Variants in CARF observed in about 807,000 individuals in gnomAD.
The protein encoded by CARF is calcium-responsive transcription factor.
In CARF, 57 loss-of-function variants were observed where a neutral mutation model predicts 82.0. The observed-to-expected ratio is 0.70, with a 90% CI of 0.56 to 0.87. The LOEUF (loss-of-function observed/expected upper bound fraction) is 0.87, where lower values mean the gene tolerates loss of function less well. Ranked by LOEUF, CARF falls within the 40% of genes least tolerant of loss-of-function variation. CARF has a pLI of 0.00. For synonymous variants in CARF, 268 were observed against 290.1 expected, an observed-to-expected ratio of 0.92 and a Z score of 0.77; for missense variants, 771 against 855.8, an observed-to-expected ratio of 0.90 and a Z score of 1.24.
At chr2:202,918,410 A>G (rs2105941049) in intron 2 of CARF, among the ~76,000 whole-genome samples, 1 of 152,130 alleles carries the variant, frequency 6.6e-6, no homozygotes, top group South Asian at 2.1e-4. Flanking sequence ...AGTCCCAGCT[A>G]CTCTGGAGGC....
chr2:202,925,653 T>C (rs189098578), intron 3 of CARF: 2 of 221,124 alleles, frequency 9.0e-6, no homozygotes, highest in East Asian at 1.5e-4. Flanking sequence ...GAGGCTGCCA[T>C]CCCAGATGCT....
chr2:202,965,528 G>A (rs1456156249), intron 9 of CARF, among the ~76,000 whole-genome samples: 3 of 151,482 alleles, frequency 2.0e-5, no homozygotes, highest in Non-Finnish European at 4.4e-5. Flanking sequence ...CATAGCCTTT[G>A]CACATTTTTC....
intron 14 of CARF, among the ~76,000 whole-genome samples, chr2:202,977,991 G>T (rs959714729): frequency 6.6e-6 from 1 of 151,788 alleles, no homozygotes; most frequent in Admixed American, 6.6e-5. Flanking sequence ...GATCACAGGC[G>T]CACGCCACCA....
rs2060298944 is a variant in CARF, at chr2:202,982,341, T to C, written c.1959T>C (p.Asp653=). ...VAMDELVEVG[D]VEDTGNLEGT... is the part of the protein sequence containing the mutation. ...TGGACGAGCTGGTAGAAGTTGGAGATGTTGAGGATACAGGGAATCTGGAAG... is the reference window on the plus strand; with the variant it reads ...TGGACGAGCTGGTAGAAGTTGGAGACGTTGAGGATACAGGGAATCTGGAAG... Residue 653 remains aspartate (D), a synonymous_variant, in exon 16 of 17, where the codon GAT becomes GAC. Coordinates refer to ENST00000438828, the MANE Select transcript of CARF (RefSeq NM_024744.17). 1 of 1,614,134 alleles carries C rather than the reference T, an allele frequency of 6.2e-7. No individual in the cohort carries two copies. The highest frequency in any genetic ancestry group is 8.5e-7 in the Non-Finnish European group (1 of 1,180,014).
chr2:202,947,867 A>G (rs1007823633), intron 5 of CARF, among the ~76,000 whole-genome samples: 1 of 152,002 alleles, frequency 6.6e-6, no homozygotes, highest in Non-Finnish European at 1.5e-5. Context: ...TTTAGATTCC[A>G]TTTTCCAATT....
intron 3 of CARF, among the ~76,000 whole-genome samples, chr2:202,928,992 A>G (rs139641084): frequency 6.7e-6 from 1 of 148,546 alleles, no homozygotes; most frequent in East Asian, 2.0e-4. Flanking sequence ...AGCCTCCCAA[A>G]ATGTGGGGAT....
intron 14 of CARF, among the ~76,000 whole-genome samples, chr2:202,978,409 G>A (rs2060119109): frequency 6.6e-6 from 1 of 152,162 alleles, no homozygotes; most frequent in Non-Finnish European, 1.5e-5. Flanking sequence ...AATGGCAAAT[G>A]GGGTTGAGGG....
Position 202,983,883 on chromosome 2 carries a change from T to C in CARF, c.*259T>C, listed in dbSNP as rs938636868. On this transcript the variant is annotated 3_prime_UTR_variant, in exon 17 of 17. Transcript: ENST00000438828. ...CCAGTATTTCAAAAGCTGTTCTGAATTTATCCACAGTAATATAGTCTGAAC... is the reference window on the plus strand; with the variant it reads ...CCAGTATTTCAAAAGCTGTTCTGAACTTATCCACAGTAATATAGTCTGAAC... 4 of 375,558 alleles carry C rather than the reference T, an allele frequency of 1.1e-5. No individual in the cohort carries two copies. The highest frequency in any genetic ancestry group is 1.4e-5 in the Non-Finnish European group (3 of 211,194). The allele number at this position is 375,558 out of a possible 1,614,324, so 23.3% of individuals were successfully genotyped here.
chr2:202,986,662 A>G lies in CARF; in HGVS notation c.*3038A>G, dbSNP rs997437070. On this transcript the variant is annotated 3_prime_UTR_variant, in exon 17 of 17. Coordinates refer to ENST00000438828, the MANE Select transcript of CARF (RefSeq NM_024744.17). Reference sequence around the variant, plus strand: ...AAGCTTTTATATTTTATGCAAGGTAAATGTTTCCTAAATGTCACAAAAGTG... The same window carrying G: ...AAGCTTTTATATTTTATGCAAGGTAGATGTTTCCTAAATGTCACAAAAGTG... 2.0e-5 allele frequency: 3 copies of G among 151,512 alleles called. No homozygotes were observed. The highest frequency in any genetic ancestry group is 1.5e-5 in the Non-Finnish European group (1 of 67,808). 9.4% of individuals were successfully genotyped at this position (151,512 alleles called of 1,614,324 possible). A position where few individuals can be genotyped will look rare whatever the true frequency, so the allele number is the denominator to read the frequency against.
intron 3 of CARF, 146 bp from the exon 4 acceptor site, chr2:202,941,714 G>GA (rs1559214032): frequency 4.5e-6 from 2 of 444,650 alleles, no homozygotes; most frequent in Non-Finnish European, 8.3e-6. Context: ...TTTAAAAAGT[G>GA]TTAATTTTTT....
intron 2 of CARF, among the ~76,000 whole-genome samples, chr2:202,921,533 C>T (rs1412009944): frequency 6.6e-6 from 1 of 152,124 alleles, no homozygotes; most frequent in Non-Finnish European, 1.5e-5. Flanking sequence ...TTTAAAAATT[C>T]AGATATAGTT....
chr2:202,919,225 A>G (rs1242970303), intron 2 of CARF, among the ~76,000 whole-genome samples: 2 of 152,238 alleles, frequency 1.3e-5, no homozygotes, highest in African/African-American at 4.8e-5. Context: ...ATCCTTACAG[A>G]AATTTATACC....
chr2:202,914,633 G>A (rs1009981437), intron 1 of CARF, among the ~76,000 whole-genome samples: 4 of 151,974 alleles, frequency 2.6e-5, no homozygotes, highest in Non-Finnish European at 5.9e-5. Context: ...ACAAAAATTG[G>A]CCAGGCATGG....
Position 202,929,540 on chromosome 2 carries a change from T to C in CARF, c.-44+5125T>C, listed in dbSNP as rs574024373. Among the ~76,000 whole-genome samples, 5 of 152,286 alleles carry C rather than the reference T, an allele frequency of 3.3e-5. No individual in the cohort carries two copies. The East Asian group carries it at 7.7e-4, about 23-fold the overall frequency. ...TTGTTTGTTTTCTATTCTCTTCCAT[T>C]GGTGTGTCTGTTTTTATGCCAGTAC... On this transcript the variant is annotated intron_variant, in intron 3 of 16. Coordinates refer to ENST00000438828, the MANE Select transcript of CARF (RefSeq NM_024744.17).
At chr2:202,953,205 G>A (rs1267989269) in intron 6 of CARF, among the ~76,000 whole-genome samples, 4 of 151,910 alleles carry the variant, frequency 2.6e-5, no homozygotes, top group South Asian at 2.1e-4. Flanking sequence ...TAGTAGAGAC[G>A]AGGCTTCACC....
chr2:202,978,295 C>T (rs1052176182), intron 14 of CARF, among the ~76,000 whole-genome samples: 1 of 151,896 alleles, frequency 6.6e-6, no homozygotes, highest in South Asian at 2.1e-4. Context: ...ATTTCAGTGG[C>T]GTGGATTGGG....
In CARF at chr2:202,942,789, C is replaced by T. The variant is rs758132089; in HGVS notation, c.128C>T (p.Ser43Phe). The T allele has an allele frequency of 2.5e-6, 4 of 1,613,802 alleles. No homozygotes were observed. Among genetic ancestry groups the T allele is most frequent in the Non-Finnish European group, 3.4e-6 (4 of 1,179,934 alleles). Residue 43 changes from serine (S) to phenylalanine (F), a missense_variant, in exon 5 of 17, where the codon TCT becomes TTT. Transcript: ENST00000438828. ...GATTCTTCCTTTGGACAAAATGATT[C>T]TCCTACAGTTTTGCCCATCACTACT... ...SRDSSFGQND[S>F]PTVLPITTRE...
At chr2:202,966,371 A>T (rs1172134413) in intron 9 of CARF, among the ~76,000 whole-genome samples, 2 of 152,236 alleles carry the variant, frequency 1.3e-5, no homozygotes, top group African/African-American at 4.8e-5. Flanking sequence ...ACCAATATTT[A>T]TTAACCAAAT....
At chr2:202,979,487 G>A (rs2060159212) in intron 14 of CARF, among the ~76,000 whole-genome samples, 1 of 152,146 alleles carries the variant, frequency 6.6e-6, no homozygotes, top group Middle Eastern at 3.4e-3. Flanking sequence ...TTTTACAGAT[G>A]AGGAAGCTGA....
Sources: allele counts gnomAD v4.1 joint callset (sites outside exome capture counted in the v4.1 genomes callset), GRCh38; gene constraint gnomAD v4.1.1; transcripts MANE v1.5; gene names NCBI Gene and HGNC (gene_info 2026-07-23, HGNC 2026-07-21).